Variants in CAMKMT observed in about 807,000 individuals in gnomAD.
CAMKMT encodes the protein CaM KMT.
CAMKMT carries 53 observed loss-of-function variants against 48.0 expected under a neutral mutation model. The ratio of observed to expected loss-of-function variants is 1.10; its 90% CI spans 0.89 to 1.39. CAMKMT has a LOEUF of 1.39. Among genes scored for constraint, CAMKMT ranks in the 40% most tolerant of loss-of-function variants. The probability of loss-of-function intolerance (pLI) is 0.00; values close to 1 mark genes in which losing one functional copy is unlikely to be tolerated. For missense variants in CAMKMT, 428 were observed against 402.7 expected, an observed-to-expected ratio of 1.06 and a Z score of -0.54; for synonymous variants, 165 against 152.3, an observed-to-expected ratio of 1.08 and a Z score of -0.61.
chr2:44,531,062 G>T (rs1438831711), intron 3 of CAMKMT, among the ~76,000 whole-genome samples: 1 of 151,828 alleles, frequency 6.6e-6, no homozygotes, highest in Non-Finnish European at 1.5e-5. Flanking sequence ...TAAATATATG[G>T]CTTATGAAAA....
chr2:44,534,020 T>C (rs904797503), intron 3 of CAMKMT, among the ~76,000 whole-genome samples: 1 of 152,004 alleles, frequency 6.6e-6, no homozygotes, highest in Non-Finnish European at 1.5e-5. Flanking sequence ...AGACTGTAAG[T>C]AAAGGGATGG....
intron 7 of CAMKMT, chr2:44,723,641 TA>T (rs1558819108): frequency 1.4e-5 from 2 of 145,130 alleles, no homozygotes; most frequent in East Asian, 3.9e-4. Context: ...AATAAATAAA[TA>T]AATAAATAAA....
intron 8 of CAMKMT, 100 bp from the exon 9 acceptor site, chr2:44,753,955 T>TAAACTAAAAAATTACACA (rs1280690998): frequency 1.3e-5 from 10 of 791,644 alleles, no homozygotes; most frequent in Non-Finnish European, 1.9e-5. Flanking sequence ...TTTTTTAGCG[T>TAAACTAAAAAATTACACA]TGGGTAAACA....
At chr2:44,680,945 G>A (rs1047503607) in intron 3 of CAMKMT, among the ~76,000 whole-genome samples, 2 of 152,122 alleles carry the variant, frequency 1.3e-5, no homozygotes, top group African/African-American at 2.4e-5. Flanking sequence ...ACATGCCATG[G>A]GTGACCTGCG....
intron 3 of CAMKMT, among the ~76,000 whole-genome samples, chr2:44,677,679 G>T (rs2104161398): frequency 6.6e-6 from 1 of 151,396 alleles, no homozygotes; most frequent in Admixed American, 6.6e-5. Context: ...CTGCACTCCA[G>T]ACTGGGCAAC....
Position 44,618,777 on chromosome 2 carries a change from C to T in CAMKMT, c.377-85506C>T. 6.6e-6 allele frequency among the ~76,000 whole-genome samples: 1 copy of T among 152,206 alleles called. No homozygotes were observed. Among genetic ancestry groups the T allele is most frequent in the East Asian group, 1.9e-4 (1 of 5,202 alleles). On this transcript the variant is annotated intron_variant, in intron 3 of 10. Coordinates refer to ENST00000378494, the MANE Select transcript of CAMKMT (RefSeq NM_024766.5). This position sits in a 1 kb window ranked among gnomAD's most constrained non-coding sequence, Gnocchi z 4.0. Reference sequence around the variant, plus strand: ...CTGCAGAGTTCAGCAGTAAGGCTCTCAGTGCTTCTACCTACTTTTTATTTT... The same window carrying T: ...CTGCAGAGTTCAGCAGTAAGGCTCTTAGTGCTTCTACCTACTTTTTATTTT...
At chr2:44,669,639 TTTTC>T (rs1175986993) in intron 3 of CAMKMT, among the ~76,000 whole-genome samples, 1 of 152,092 alleles carries the variant, frequency 6.6e-6, no homozygotes, top group Non-Finnish European at 1.5e-5. Flanking sequence ...ATGGTTTTTT[TTTTC>T]TTTCTTTTTC....
chr2:44,484,707 A>G (rs1006850668), intron 3 of CAMKMT, among the ~76,000 whole-genome samples: 1 of 150,638 alleles, frequency 6.6e-6, no homozygotes, highest in Non-Finnish European at 1.5e-5. Flanking sequence ...AAAAAAAACC[A>G]TACAGAAAAG....
At chr2:44,421,599 G>T (rs1683940181) in intron 3 of CAMKMT, among the ~76,000 whole-genome samples, 1 of 152,008 alleles carries the variant, frequency 6.6e-6, no homozygotes, top group East Asian at 1.9e-4. Flanking sequence ...AAATTATCTT[G>T]CTTTTTATAA....
chr2:44,383,362 A>C (rs1362224163), intron 2 of CAMKMT, among the ~76,000 whole-genome samples: 1 of 151,654 alleles, frequency 6.6e-6, no homozygotes, highest in Non-Finnish European at 1.5e-5. Context: ...ATGAGGTTTC[A>C]CCATACTGGC....
intron 3 of CAMKMT, among the ~76,000 whole-genome samples, chr2:44,563,378 T>C (rs1441528243): frequency 6.6e-6 from 1 of 151,766 alleles, no homozygotes; most frequent in Non-Finnish European, 1.5e-5. Context: ...GTATTATTGT[T>C]TTGCCTTATG....
chr2:44,508,951 C>T (rs577832359), intron 3 of CAMKMT, among the ~76,000 whole-genome samples: 16 of 152,024 alleles, frequency 1.1e-4, no homozygotes, highest in Admixed American at 5.9e-4. Context: ...CAAAAATTAG[C>T]CGGGTGTGGT....
intron 3 of CAMKMT, among the ~76,000 whole-genome samples, chr2:44,592,477 T>G (rs1670355200): frequency 6.6e-6 from 1 of 152,208 alleles, no homozygotes; most frequent in African/African-American, 2.4e-5. Context: ...TATAGCTGTC[T>G]TGGTTATCAG....
Position 44,737,263 on chromosome 2 carries a change from G to C in CAMKMT, c.624-6359G>C, listed in dbSNP as rs566160087. Reference sequence around the variant, plus strand: ...CCCAGGTAGCTGGGAACACAAGCATGCACCACCATGCTCATCTAATTTTTG... The same window carrying C: ...CCCAGGTAGCTGGGAACACAAGCATCCACCACCATGCTCATCTAATTTTTG... On this transcript the variant is annotated intron_variant, in intron 7 of 10. Coordinates refer to ENST00000378494, the MANE Select transcript of CAMKMT (RefSeq NM_024766.5). Among the ~76,000 whole-genome samples, 7 of 152,094 alleles carry C rather than the reference G, an allele frequency of 4.6e-5. No individual in the cohort carries two copies. In the South Asian group the frequency reaches 1.5e-3, roughly 32 times the overall value.
chr2:44,644,570 A>G (rs1171234827), intron 3 of CAMKMT, among the ~76,000 whole-genome samples: 1 of 152,256 alleles, frequency 6.6e-6, no homozygotes, highest in East Asian at 1.9e-4. Context: ...TGTTAAAGCC[A>G]TGTATGTGAA....
At chr2:44,491,680 T>C (rs529727399) in intron 3 of CAMKMT, among the ~76,000 whole-genome samples, 1 of 152,338 alleles carries the variant, frequency 6.6e-6, no homozygotes, top group East Asian at 1.9e-4. Context: ...CTTGTGACTA[T>C]ACATCTGACC....
At chr2:44,386,590 C>T (rs1298611190) in intron 2 of CAMKMT, among the ~76,000 whole-genome samples, 1 of 151,890 alleles carries the variant, frequency 6.6e-6, no homozygotes, top group Admixed American at 6.6e-5. Flanking sequence ...TCTCTAGTTC[C>T]TTGAGGTGTG....
chr2:44,582,172 T>C (rs1669601953), intron 3 of CAMKMT, among the ~76,000 whole-genome samples: 1 of 152,232 alleles, frequency 6.6e-6, no homozygotes, highest in Non-Finnish European at 1.5e-5. Context: ...CGGGCCTTTC[T>C]GAAACTACAT....
At chr2:44,687,231 G>T (rs1676387929) in intron 3 of CAMKMT, among the ~76,000 whole-genome samples, 1 of 152,146 alleles carries the variant, frequency 6.6e-6, no homozygotes, top group South Asian at 2.1e-4. Context: ...GGTTTCCACT[G>T]TTGTATGCCC....
Sources: gnomAD v4.1 joint callset for allele counts (sites outside exome capture counted in the v4.1 genomes callset) on GRCh38, gnomAD v4.1.1 for gene constraint, Gnocchi (gnomAD v3.1) non-coding constraint, MANE v1.5 for transcripts, NCBI Gene and HGNC (gene_info 2026-07-23, HGNC 2026-07-21) for gene names.